LDB2: variants seen among roughly 807,000 people sequenced by gnomAD.
LDB2 encodes LIM domain binding 2, also known as LIM domain-binding protein 2.
Under a neutral mutation model 44.3 loss-of-function variants are expected in LDB2, and 12 were observed. The ratio of observed to expected loss-of-function variants is 0.27; its 90% CI spans 0.17 to 0.44. The LOEUF (loss-of-function observed/expected upper bound fraction) is 0.44, where lower values mean the gene tolerates loss of function less well. Among genes scored for constraint, LDB2 ranks in the 20% least tolerant of loss-of-function variants. The probability of loss-of-function intolerance (pLI) is 1.00; values close to 1 mark genes in which losing one functional copy is unlikely to be tolerated. For missense variants in LDB2, 344 were observed against 473.5 expected, an observed-to-expected ratio of 0.73 and a Z score of 2.54; for synonymous variants, 164 against 174.8, an observed-to-expected ratio of 0.94 and a Z score of 0.49.
intron 2 of LDB2, among the ~76,000 whole-genome samples, chr4:16,753,962 A>G (rs936192756): frequency 1.3e-5 from 2 of 152,238 alleles, no homozygotes; most frequent in Non-Finnish European, 2.9e-5. Flanking sequence ...TACATGCACC[A>G]TCCCATCAAA....
chr4:16,502,974 T>A, intron 7 of LDB2, 101 bp from the exon 8 acceptor site: 2 of 1,604,954 alleles, frequency 1.2e-6, no homozygotes, highest in East Asian at 2.2e-5. Flanking sequence ...ACAGACACAC[T>A]CGTGTACTGT....
At chr4:16,802,615 GATTCTCTT>G (rs1326849352) in intron 1 of LDB2, among the ~76,000 whole-genome samples, 2 of 152,184 alleles carry the variant, frequency 1.3e-5, no homozygotes, top group East Asian at 3.9e-4. Context: ...GCTTGATGTG[GATTCTCTT>G]ATTTACTCCT....
At chr4:16,875,550 C>G (rs896111056) in intron 1 of LDB2, among the ~76,000 whole-genome samples, 3 of 152,120 alleles carry the variant, frequency 2.0e-5, no homozygotes, top group African/African-American at 7.2e-5. Flanking sequence ...AATCATCTGT[C>G]TAGTCACTAG....
At chr4:16,530,824 G>A (rs553196141) in intron 5 of LDB2, among the ~76,000 whole-genome samples, 37 of 152,174 alleles carry the variant, frequency 2.4e-4, no homozygotes, top group Non-Finnish European at 4.7e-4. Flanking sequence ...CACACAACTA[G>A]TTACTCTGTT....
intron 2 of LDB2, among the ~76,000 whole-genome samples, chr4:16,675,815 A>G (rs768718778): frequency 6.6e-6 from 1 of 152,196 alleles, no homozygotes; most frequent in Non-Finnish European, 1.5e-5. Flanking sequence ...ATTCAATTCA[A>G]TGTGTTGAAA....
chr4:16,756,616 T>C (rs1766711706), intron 2 of LDB2, among the ~76,000 whole-genome samples: 1 of 152,244 alleles, frequency 6.6e-6, no homozygotes, highest in Non-Finnish European at 1.5e-5. Context: ...CAAATGTCTA[T>C]GCATTTGTGT....
intron 2 of LDB2, among the ~76,000 whole-genome samples, chr4:16,720,828 G>A (rs565302): frequency 0.4 from 60,197 of 151,944 alleles, 12,067 homozygotes; most frequent in Admixed American, 0.44. Context: ...CTTTAAAATC[G>A]TTATCTTATT....
At chr4:16,798,222 G>T (rs932903623) in intron 1 of LDB2, among the ~76,000 whole-genome samples, 1 of 151,918 alleles carries the variant, frequency 6.6e-6, no homozygotes, top group Admixed American at 6.6e-5. Context: ...CTTTTTGAGG[G>T]CTTTCCATGT....
chr4:16,705,844 C>T (rs60158392), intron 2 of LDB2, among the ~76,000 whole-genome samples: 11,455 of 152,060 alleles, frequency 0.075, 765 homozygotes, highest in East Asian at 0.4. Flanking sequence ...TTTTGTTAGT[C>T]TAGTCCCCTC....
At chr4:16,601,108 G>A (rs12644444) in intron 2 of LDB2, among the ~76,000 whole-genome samples, 19,136 of 152,030 alleles carry the variant, frequency 0.13, 1,507 homozygotes, top group East Asian at 0.25. Flanking sequence ...AATAACAAAA[G>A]GATTACAACA....
intron 1 of LDB2, among the ~76,000 whole-genome samples, chr4:16,875,352 A>G (rs1259047112): frequency 1.3e-5 from 2 of 152,228 alleles, no homozygotes; most frequent in Non-Finnish European, 2.9e-5. Flanking sequence ...AAATTTTTAA[A>G]GATTACCATG....
chr4:16,531,223 A>G (rs1204759158), intron 5 of LDB2, among the ~76,000 whole-genome samples: 41 of 152,228 alleles, frequency 2.7e-4, no homozygotes, highest in Admixed American at 2.7e-3. Context: ...TCTGTCTGGT[A>G]CACAGTTCTG....
intron 2 of LDB2, among the ~76,000 whole-genome samples, chr4:16,710,619 A>G (rs1288742359): frequency 1.3e-5 from 2 of 152,166 alleles, no homozygotes; most frequent in Non-Finnish European, 2.9e-5. Flanking sequence ...TGAGAAAGCC[A>G]CCCCTGTGTA....
chr4:16,699,938 A>C (rs2152629735), intron 2 of LDB2, among the ~76,000 whole-genome samples: 1 of 152,254 alleles, frequency 6.6e-6, no homozygotes, highest in South Asian at 2.1e-4. Flanking sequence ...CACTCAGCTA[A>C]ATTTGAATTT....
intron 2 of LDB2, among the ~76,000 whole-genome samples, chr4:16,712,954 A>T (rs1756252160): frequency 6.6e-6 from 1 of 152,244 alleles, no homozygotes; most frequent in Non-Finnish European, 1.5e-5. Flanking sequence ...CATAACTCAA[A>T]TGTTCATAAT....
At chr4:16,816,411 T>C (rs13152652) in intron 1 of LDB2, among the ~76,000 whole-genome samples, 52,958 of 137,472 alleles carry the variant, frequency 0.39, 10,083 homozygotes, top group East Asian at 0.67. Flanking sequence ...TTCTTTCTTT[T>C]TTTTTTTTTT....
intron 3 of LDB2, among the ~76,000 whole-genome samples, chr4:16,594,241 A>G (rs1387730451): frequency 6.6e-6 from 1 of 152,044 alleles, no homozygotes; most frequent in Non-Finnish European, 1.5e-5. Flanking sequence ...TTGTAACACT[A>G]GAAATGAATG....
chr4:16,641,064 C>T (rs1735011714), intron 2 of LDB2, among the ~76,000 whole-genome samples: 1 of 151,920 alleles, frequency 6.6e-6, no homozygotes, highest in South Asian at 2.1e-4. Flanking sequence ...AGAACAAAGC[C>T]AAGGAGATGG....
chr4:16,558,845 G>C (rs1412587904), intron 5 of LDB2, among the ~76,000 whole-genome samples: 2 of 152,226 alleles, frequency 1.3e-5, no homozygotes, highest in Non-Finnish European at 2.9e-5. Flanking sequence ...AAGCCCATCA[G>C]ACTAACAGCA....
Sources: allele counts gnomAD v4.1 joint callset (sites outside exome capture counted in the v4.1 genomes callset), GRCh38; gene constraint gnomAD v4.1.1; transcripts MANE v1.5; gene names NCBI Gene and HGNC (gene_info 2026-07-23, HGNC 2026-07-21).